KCNK9: variants seen among roughly 807,000 people sequenced by gnomAD.
KCNK9 encodes the protein potassium channel subfamily K member 9.
A neutral mutation model predicts 10.8 loss-of-function variants in KCNK9; 1 was observed. That is an observed-to-expected ratio of 0.09 (90% CI 0.03 to 0.44). The LOEUF (loss-of-function observed/expected upper bound fraction) is 0.44. Among genes scored for constraint, KCNK9 ranks in the 20% least tolerant of loss-of-function variants. The pLI, the probability that KCNK9 is intolerant of heterozygous loss-of-function variation, is 0.97. For missense variants in KCNK9, 303 were observed against 515.0 expected (o/e 0.59, Z 3.98); for synonymous variants, 231 against 222.7 (o/e 1.04, Z -0.33).
intron 2 of KCNK9, among the ~76,000 whole-genome samples, chr8:139,604,444 G>C (rs1817441316): frequency 6.6e-6 from 1 of 152,166 alleles, no homozygotes; most frequent in Non-Finnish European, 1.5e-5. Flanking sequence ...AAGAGCTGCT[G>C]GTTGAGGGAA....
downstream of KCNK9, among the ~76,000 whole-genome samples, chr8:139,613,464 T>C (rs1415132212): frequency 6.6e-6 from 1 of 152,198 alleles, no homozygotes; most frequent in East Asian, 1.9e-4. Flanking sequence ...GTGACCACCA[T>C]GGTTCTCTCT....
intron 1 of KCNK9, among the ~76,000 whole-genome samples, chr8:139,640,585 A>G (rs1323197350): frequency 1.3e-5 from 2 of 152,188 alleles, no homozygotes; most frequent in Non-Finnish European, 2.9e-5. Context: ...TGTCCCAGTC[A>G]CATACCCGCG....
At chr8:139,670,957 G>A (rs73727210) in intron 1 of KCNK9, among the ~76,000 whole-genome samples, 3,008 of 152,210 alleles carry the variant, frequency 0.02, 112 homozygotes, top group African/African-American at 0.069. Context: ...CCTGTGACGC[G>A]CACCTGCAGT....
intron 2 of KCNK9, among the ~76,000 whole-genome samples, chr8:139,605,242 T>C (rs534810928): frequency 2.0e-5 from 3 of 152,316 alleles, no homozygotes; most frequent in East Asian, 1.9e-4. Context: ...AAAACAAAAA[T>C]CAGCAAATCC....
intron 1 of KCNK9, among the ~76,000 whole-genome samples, chr8:139,668,094 T>C (rs377027616): frequency 6.6e-6 from 1 of 152,336 alleles, no homozygotes; most frequent in East Asian, 1.9e-4. Context: ...TTCATGTCTG[T>C]GTGTCAGCAT....
downstream of KCNK9, among the ~76,000 whole-genome samples, chr8:139,615,414 C>A (rs1281158531): frequency 6.6e-6 from 1 of 152,080 alleles, no homozygotes; most frequent in Non-Finnish European, 1.5e-5. Context: ...GAAGAAAGAA[C>A]CCTGAACCCT....
chr8:139,626,481 C>T (rs959597878), intron 1 of KCNK9, among the ~76,000 whole-genome samples: 1 of 152,198 alleles, frequency 6.6e-6, no homozygotes, highest in Non-Finnish European at 1.5e-5. Flanking sequence ...AGGAGCTCAG[C>T]CCCTGGTGTC....
intron 1 of KCNK9, among the ~76,000 whole-genome samples, chr8:139,649,754 A>C (rs1010515894): frequency 1.6e-4 from 25 of 152,178 alleles, no homozygotes; most frequent in African/African-American, 5.3e-4. Context: ...GGGGGAAAAA[A>C]ATTGCTTAAC....
intron 1 of KCNK9, among the ~76,000 whole-genome samples, chr8:139,621,765 T>G (rs544152598): frequency 6.6e-6 from 1 of 152,090 alleles, no homozygotes; most frequent in African/African-American, 2.4e-5. Context: ...AGGGTAAATA[T>G]AAAAGATGCA....
chr8:139,636,530 C>T (rs1205224623), intron 1 of KCNK9, among the ~76,000 whole-genome samples: 1 of 152,216 alleles, frequency 6.6e-6, no homozygotes, highest in African/African-American at 2.4e-5. Flanking sequence ...GCTGCTGACC[C>T]AATGCTAAAA....
At chr8:139,661,936 T>C (rs1237627701) in intron 1 of KCNK9, among the ~76,000 whole-genome samples, 2 of 152,230 alleles carry the variant, frequency 1.3e-5, no homozygotes, top group Non-Finnish European at 2.9e-5. Context: ...GAGGGACTGC[T>C]GGCTGCTGGT....
At chr8:139,686,832 AAAT>A (rs373467167) in intron 1 of KCNK9, among the ~76,000 whole-genome samples, 5 of 152,332 alleles carry the variant, frequency 3.3e-5, no homozygotes, top group Middle Eastern at 3.4e-3. Context: ...TTAAAGAAAA[AAAT>A]AAACTCACTT....
chr8:139,685,492 C>A (rs1241978274), intron 1 of KCNK9, among the ~76,000 whole-genome samples: 1 of 152,166 alleles, frequency 6.6e-6, no homozygotes, highest in Admixed American at 6.5e-5. Flanking sequence ...TCCATGTGTT[C>A]TCATTGTTCA....
At chr8:139,671,129 A>G (rs1317253742) in intron 1 of KCNK9, among the ~76,000 whole-genome samples, 1 of 152,218 alleles carries the variant, frequency 6.6e-6, no homozygotes, top group African/African-American at 2.4e-5. Context: ...CACAATAGCA[A>G]CCACAGGTCT....
At chr8:139,652,486 G>A (rs1256087172) in intron 1 of KCNK9, among the ~76,000 whole-genome samples, 3 of 152,176 alleles carry the variant, frequency 2.0e-5, no homozygotes, top group Non-Finnish European at 4.4e-5. Flanking sequence ...TGCATGTGGG[G>A]TCCTTCCCTC....
At chr8:139,686,921 A>G (rs766223031) in intron 1 of KCNK9, among the ~76,000 whole-genome samples, 1 of 152,238 alleles carries the variant, frequency 6.6e-6, no homozygotes, top group Non-Finnish European at 1.5e-5. Context: ...GAAAACATAT[A>G]GCCTTTAGTG....
chr8:139,636,905 T>C (rs1815356660), intron 1 of KCNK9, among the ~76,000 whole-genome samples: 1 of 152,216 alleles, frequency 6.6e-6, no homozygotes, highest in South Asian at 2.1e-4. Flanking sequence ...GTCACTCCTG[T>C]CTGGAAGCTC....
At chr8:139,681,625 A>C (rs1008185438) in intron 1 of KCNK9, among the ~76,000 whole-genome samples, 1 of 152,190 alleles carries the variant, frequency 6.6e-6, no homozygotes, top group African/African-American at 2.4e-5. Flanking sequence ...GAGGGGCTGC[A>C]GGTGGCACAG....
intron 1 of KCNK9, among the ~76,000 whole-genome samples, chr8:139,698,371 C>T (rs965662039): frequency 1.3e-5 from 2 of 152,192 alleles, no homozygotes; most frequent in African/African-American, 4.8e-5. Flanking sequence ...CGGGAAAACA[C>T]ACACAGGTAG....
Sources: gnomAD v4.1 joint callset for allele counts (sites outside exome capture counted in the v4.1 genomes callset) on GRCh38, gnomAD v4.1.1 for gene constraint, MANE v1.5 for transcripts, NCBI Gene and HGNC (gene_info 2026-07-23, HGNC 2026-07-21) for gene names.